The following FAM168B variants were observed in gnomAD, a reference collection of about 807,000 sequenced individuals.
FAM168B encodes the protein myelin-associated neurite-outgrowth inhibitor.
Under a neutral mutation model 21.8 loss-of-function variants are expected in FAM168B, and 19 were observed. The observed-to-expected ratio is 0.87, with a 90% confidence interval of 0.61 to 1.28. The LOEUF (loss-of-function observed/expected upper bound fraction) is 1.28, where lower values mean the gene tolerates loss of function less well. Ranked by LOEUF, FAM168B falls within the 50% of genes most tolerant of loss-of-function variation. The pLI is 0.00. For missense variants in FAM168B, 233 were observed against 263.1 expected, an observed-to-expected ratio of 0.89 and a Z score of 0.79; for synonymous variants, 126 against 104.8, an observed-to-expected ratio of 1.20 and a Z score of -1.24.
At position 131,049,928 on chromosome 2, in the gene FAM168B, A is replaced by G. The variant is rs1461498973; in HGVS notation, c.*2537T>C. 5.5e-5 allele frequency: 54 copies of G among 985,426 alleles called. No individual in the cohort carries two copies. The highest frequency in any genetic ancestry group is 6.5e-5 in the Non-Finnish European group (54 of 829,946). The allele number at this position is 985,426 out of a possible 1,614,324, so 61.0% of individuals were successfully genotyped here. On this transcript the variant is annotated 3_prime_UTR_variant, in exon 7 of 7. Transcript: ENST00000389915. ...TACAACCTATGACAGTTTTGTGACT[A>G]TTTCCTAAGTCCAGATTCTTACCTG...
rs1692831066 is a variant in FAM168B at position 131,070,717 on chromosome 2, C to A, written c.154+1138G>T. ...TTTATTTCCATACAACAAAATACTA[C>A]CTAACAATAAAAAGGAATGAACTGC... is the stretch of plus-strand genomic sequence containing the variant. On this transcript the variant is annotated intron_variant, in intron 3 of 6. Coordinates refer to ENST00000389915, the MANE Select transcript of FAM168B (RefSeq NM_001009993.4). Among the ~76,000 whole-genome samples, 3 of 152,036 alleles carry A rather than the reference C, an allele frequency of 2.0e-5. No individual in the cohort carries two copies. In the South Asian group the frequency reaches 6.2e-4, roughly 32 times the overall value.
At chr2:131,083,350 C>A (rs1445000708) in intron 1 of FAM168B, among the ~76,000 whole-genome samples, 5 of 152,082 alleles carry the variant, frequency 3.3e-5, no homozygotes, top group African/African-American at 1.2e-4. Context: ...GAGACTCCGT[C>A]TCAAAAAAAC....
intron 3 of FAM168B, among the ~76,000 whole-genome samples, chr2:131,067,971 C>G (rs1692660070): frequency 6.6e-6 from 1 of 152,100 alleles, no homozygotes; most frequent in Admixed American, 6.6e-5. Flanking sequence ...ATCCCTTGAA[C>G]TCAGCAGAAA....
In FAM168B at chr2:131,049,126, G is replaced by A; in HGVS notation, c.*3339C>T. 1 of 985,460 alleles carries A rather than the reference G, an allele frequency of 1.0e-6. No homozygotes were observed. The highest frequency in any genetic ancestry group is 1.2e-6 in the Non-Finnish European group (1 of 829,932). The allele number at this position is 985,460 out of a possible 1,614,324, so 61.0% of individuals were successfully genotyped here. On this transcript the variant is annotated 3_prime_UTR_variant, in exon 7 of 7. Coordinates refer to ENST00000389915, the MANE Select transcript of FAM168B (RefSeq NM_001009993.4). ...TACCTTACGGGGGCCAACACTGACA[G>A]GTATTAGTACGTCGCAAGTTGCTGT...
At chr2:131,068,645 G>C (rs1692695124) in intron 3 of FAM168B, among the ~76,000 whole-genome samples, 1 of 152,132 alleles carries the variant, frequency 6.6e-6, no homozygotes, top group Non-Finnish European at 1.5e-5. Context: ...CTGGATTACA[G>C]GAACAATTTG....
chr2:131,078,638 T>C (rs1367910404), intron 2 of FAM168B, among the ~76,000 whole-genome samples: 2 of 152,134 alleles, frequency 1.3e-5, no homozygotes, highest in Non-Finnish European at 2.9e-5. Flanking sequence ...ATTTTCAAAG[T>C]AGCAAGGTAC....
chr2:131,090,631 T>C (rs1693959488), intron 1 of FAM168B, among the ~76,000 whole-genome samples: 1 of 152,084 alleles, frequency 6.6e-6, no homozygotes, highest in Non-Finnish European at 1.5e-5. Flanking sequence ...TTTGGGAGGC[T>C]GGGGCAGGAG....
intron 2 of FAM168B, among the ~76,000 whole-genome samples, chr2:131,076,615 T>C (rs1329820922): frequency 2.1e-5 from 3 of 144,332 alleles, no homozygotes; most frequent in Non-Finnish European, 4.5e-5. Flanking sequence ...ATCGCGCCAC[T>C]GCACTCCAGC....
chr2:131,069,385 A>G (rs2105513953), intron 3 of FAM168B, among the ~76,000 whole-genome samples: 1 of 152,360 alleles, frequency 6.6e-6, no homozygotes, highest in Non-Finnish European at 1.5e-5. Flanking sequence ...ATACACAAAA[A>G]TTAACTGCAA....
chr2:131,070,039 A>G (rs1318183249), intron 3 of FAM168B, among the ~76,000 whole-genome samples: 1 of 150,798 alleles, frequency 6.6e-6, no homozygotes, highest in Non-Finnish European at 1.5e-5. Context: ...TTGTATTTTT[A>G]GTAGAGACGG....
chr2:131,059,283 G>A (rs1401131760), intron 3 of FAM168B, among the ~76,000 whole-genome samples: 1 of 152,154 alleles, frequency 6.6e-6, no homozygotes, highest in African/African-American at 2.4e-5. Flanking sequence ...GCAATGAGGA[G>A]TCAGCTCAGA....
chr2:131,058,239 T>C lies in FAM168B; in HGVS notation c.155-2544A>G, dbSNP rs150896965. Among the ~76,000 whole-genome samples the C allele has an allele frequency of 5.8e-3, 885 of 152,344 alleles. 4 individuals carry two copies. The highest frequency in any genetic ancestry group is 9.6e-3 in the Non-Finnish European group (651 of 68,028). On this transcript the variant is annotated intron_variant, in intron 3 of 6. Coordinates refer to ENST00000389915, the MANE Select transcript of FAM168B (RefSeq NM_001009993.4). ...TTTGTTTGGGGTGCCAGTGCAATTC[T>C]GTGACATGGATATATTGCACAGTGG...
chr2:131,059,867 T>C (rs1017915851), intron 3 of FAM168B, among the ~76,000 whole-genome samples: 56 of 152,220 alleles, frequency 3.7e-4, no homozygotes, highest in African/African-American at 1.2e-3. Flanking sequence ...CTGATGAATA[T>C]AATGTCTGAG....
intron 3 of FAM168B, among the ~76,000 whole-genome samples, chr2:131,057,579 T>C (rs529491907): frequency 2.0e-5 from 3 of 152,260 alleles, no homozygotes; most frequent in South Asian, 4.1e-4. Context: ...ACCCACCCAG[T>C]TGAGCACTTA....
chr2:131,051,047 C>A lies in FAM168B; in HGVS notation c.*1418G>T, dbSNP rs956367978. On this transcript the variant is annotated 3_prime_UTR_variant, in exon 7 of 7. Transcript: ENST00000389915. ...ATGTACAAGATTCAGATCCTAAACTCAAATTCCTCTCCCACAATAAACCCT... is the reference window on the plus strand; with the variant it reads ...ATGTACAAGATTCAGATCCTAAACTAAAATTCCTCTCCCACAATAAACCCT... 2.0e-6 allele frequency: 2 copies of A among 985,494 alleles called. No homozygotes were observed. The highest frequency in any genetic ancestry group is 1.7e-5 in the African/African-American group (1 of 57,356). The allele number at this position is 985,494 out of a possible 1,614,324, so 61.0% of individuals were successfully genotyped here. A position where few individuals can be genotyped will look rare whatever the true frequency, so the allele number is the denominator to read the frequency against.
intron 3 of FAM168B, among the ~76,000 whole-genome samples, chr2:131,070,706 A>C (rs1692829899): frequency 6.6e-6 from 1 of 152,262 alleles, no homozygotes; most frequent in African/African-American, 2.4e-5. Context: ...TTTCCATACA[A>C]CAAAATACTA....
At chr2:131,067,611 C>CT (rs999649722) in intron 3 of FAM168B, among the ~76,000 whole-genome samples, 10 of 152,138 alleles carry the variant, frequency 6.6e-5, no homozygotes, top group African/African-American at 1.9e-4. Context: ...GGTGTGGTGA[C>CT]TTGTGCCTAA....
Position 131,049,424 on chromosome 2 carries a change from C to T in FAM168B, c.*3041G>A, listed in dbSNP as rs1363688169. 3 of 985,322 alleles carry T rather than the reference C, an allele frequency of 3.0e-6. No individual in the cohort carries two copies. Among genetic ancestry groups the T allele is most frequent in the Non-Finnish European group, 3.6e-6 (3 of 829,952 alleles). 61.0% of individuals were successfully genotyped at this position (985,322 alleles called of 1,614,324 possible). On this transcript the variant is annotated 3_prime_UTR_variant, in exon 7 of 7. Transcript: ENST00000389915. ...ACCACACCAAGAAGAACGTTCTTAA[C>T]AGATGGCTCACGAGAGACATAAAAG...
chr2:131,086,073 C>T (rs1693681814), intron 1 of FAM168B, among the ~76,000 whole-genome samples: 2 of 152,090 alleles, frequency 1.3e-5, no homozygotes, highest in South Asian at 4.1e-4. Context: ...GTGTGTCTTA[C>T]CCTACAGTTT....
Sources: gnomAD v4.1 joint callset for allele counts (sites outside exome capture counted in the v4.1 genomes callset) on GRCh38, gnomAD v4.1.1 for gene constraint, MANE v1.5 for transcripts, NCBI Gene and HGNC (gene_info 2026-07-23, HGNC 2026-07-21) for gene names.